The following HDGFL3 variants were observed in gnomAD, a reference collection of about 807,000 sequenced individuals.
HDGFL3 encodes hepatoma-derived growth factor-related protein 3.
Under a neutral mutation model 27.6 loss-of-function variants are expected in HDGFL3, and 6 were observed. That is an observed-to-expected ratio of 0.22 (90% CI 0.12 to 0.43). The LOEUF is 0.43. Among genes scored for constraint, HDGFL3 ranks in the 20% least tolerant of loss-of-function variants. The pLI is 1.00. For synonymous variants in HDGFL3, 88 were observed against 88.9 expected (o/e 0.99, Z 0.05); for missense variants, 207 against 250.1 (o/e 0.83, Z 1.16).
intron 3 of HDGFL3, among the ~76,000 whole-genome samples, chr15:83,117,345 A>C (rs766665573): frequency 6.6e-6 from 1 of 152,142 alleles, no homozygotes; most frequent in Non-Finnish European, 1.5e-5. Flanking sequence ...TCTGAGGAGC[A>C]GTCCTGGAAG....
chr15:83,137,571 AG>A lies in HDGFL3; in HGVS notation c.*1698del, dbSNP rs1669009572. 6.6e-6 allele frequency: 1 copy of A among 152,190 alleles called. No homozygotes were observed. Among genetic ancestry groups the A allele is most frequent in the African/African-American group, 2.4e-5 (1 of 41,444 alleles). 9.4% of individuals were successfully genotyped at this position (152,190 alleles called of 1,614,324 possible). The stretch of plus-strand genomic sequence containing the variant: ...AAAATTAAAAAGGACCTTTTAAGGA[AG>A]AAGTATTAGATCGACATCCCTACTA... On this transcript the variant is annotated 3_prime_UTR_variant, in exon 6 of 6. Transcript: ENST00000299633.
chr15:83,157,002 G>C (rs1049723945), intron 4 of HDGFL3, among the ~76,000 whole-genome samples: 6 of 152,092 alleles, frequency 3.9e-5, no homozygotes, highest in African/African-American at 1.4e-4. Flanking sequence ...CAGCCATGAT[G>C]CATTTCTTAG....
intron 1 of HDGFL3, among the ~76,000 whole-genome samples, chr15:83,172,267 G>A (rs947752246): frequency 2.0e-5 from 3 of 152,142 alleles, no homozygotes; most frequent in African/African-American, 4.8e-5. Flanking sequence ...GCCATGTAAC[G>A]ATACACCAAG....
At chr15:83,125,207 G>A (rs539338771), downstream of HDGFL3, among the ~76,000 whole-genome samples, 3 of 152,312 alleles carry the variant, frequency 2.0e-5, no homozygotes, top group Admixed American at 2.0e-4. Flanking sequence ...AACAATTCAC[G>A]TGTATGTAGG....
intron 1 of HDGFL3, among the ~76,000 whole-genome samples, chr15:83,199,735 G>A (rs1251757651): frequency 6.6e-6 from 1 of 152,048 alleles, no homozygotes; most frequent in African/African-American, 2.4e-5. Context: ...GAAGCTCTGT[G>A]GAACTTCCAG....
chr15:83,136,803 T>C lies in HDGFL3; in HGVS notation c.*2467A>G. ...ATGTACATTCTTGCTCTGCACTGTA[T>C]GTGTGAGCTATATGGTATTGTGTAA... On this transcript the variant is annotated 3_prime_UTR_variant, in exon 6 of 6. Transcript: ENST00000299633. 5.5e-6 allele frequency: 4 copies of C among 723,244 alleles called. No individual in the cohort carries two copies. The highest frequency in any genetic ancestry group is 8.7e-6 in the Non-Finnish European group (4 of 459,460). The allele number at this position is 723,244 out of a possible 1,614,324, so 44.8% of individuals were successfully genotyped here. A position where few individuals can be genotyped will look rare whatever the true frequency, so the allele number is the denominator to read the frequency against.
downstream of HDGFL3, chr15:83,127,429 T>C (rs763382900): frequency 4.3e-6 from 7 of 1,613,984 alleles, no homozygotes; most frequent in East Asian, 1.6e-4. Context: ...TTCCTGGATG[T>C]TCCTGGATGC....
intron 1 of HDGFL3, among the ~76,000 whole-genome samples, chr15:83,183,344 C>T (rs950190613): frequency 4.6e-5 from 7 of 152,266 alleles, no homozygotes; most frequent in Admixed American, 4.6e-4. Flanking sequence ...AAACAAAAAT[C>T]GTAGAGTGAA....
chr15:83,188,633 C>T (rs561620526), intron 1 of HDGFL3, among the ~76,000 whole-genome samples: 1 of 152,158 alleles, frequency 6.6e-6, no homozygotes, highest in Non-Finnish European at 1.5e-5. Flanking sequence ...ATTTTCTTCT[C>T]GGATTCCAGG....
At chr15:83,162,134 A>G (rs1393522860) in intron 2 of HDGFL3, among the ~76,000 whole-genome samples, 1 of 152,198 alleles carries the variant, frequency 6.6e-6, no homozygotes, top group Non-Finnish European at 1.5e-5. Flanking sequence ...TTTAATTGAT[A>G]GCTATTTTTT....
intron 1 of HDGFL3, among the ~76,000 whole-genome samples, chr15:83,197,185 G>C (rs1158857469): frequency 6.6e-6 from 1 of 152,222 alleles, no homozygotes; most frequent in Non-Finnish European, 1.5e-5. Context: ...ATAAGATAGG[G>C]TCAGTGCTGA....
rs143602340 is a variant in HDGFL3, at chr15:83,178,481, A to C, written c.85-14406T>G. On this transcript the variant is annotated intron_variant, in intron 1 of 5. Coordinates refer to ENST00000299633, the MANE Select transcript of HDGFL3 (RefSeq NM_016073.4). ...GTTCCTCGCTTCTACCCCGGGCAAC[A>C]CAGGCAGACCCCATCTCTACAACAA... Among the ~76,000 whole-genome samples the C allele has an allele frequency of 4.5e-3, 679 of 152,282 alleles. 6 individuals carry two copies. Among genetic ancestry groups the C allele is most frequent in the Middle Eastern group, 0.034 (10 of 294 alleles).
intron 5 of HDGFL3, among the ~76,000 whole-genome samples, chr15:83,145,116 A>G (rs1052262587): frequency 3.9e-5 from 6 of 152,086 alleles, no homozygotes; most frequent in African/African-American, 7.2e-5. Flanking sequence ...AACAATATGC[A>G]TAACATCAAC....
In HDGFL3 at chr15:83,141,883, A is replaced by G. The variant is rs576679105; in HGVS notation, c.607-2608T>C. 2.6e-5 allele frequency among the ~76,000 whole-genome samples: 4 copies of G among 152,374 alleles called. No homozygotes were observed. The East Asian group carries it at 7.7e-4, about 29-fold the overall frequency. On this transcript the variant is annotated intron_variant, in intron 5 of 5. Coordinates refer to ENST00000299633, the MANE Select transcript of HDGFL3 (RefSeq NM_016073.4). ...AACCTATATTTTCTAACTGGGGGAA[A>G]GCTATTCAGAGCGCTAGACAAACAG...
intron 1 of HDGFL3, among the ~76,000 whole-genome samples, chr15:83,186,824 C>A (rs117718360): frequency 6.6e-6 from 1 of 152,038 alleles, no homozygotes; most frequent in East Asian, 1.9e-4. Flanking sequence ...CAGACTTTAC[C>A]GCAATATAAT....
At chr15:83,147,069 CT>C (rs869185110) in intron 5 of HDGFL3, among the ~76,000 whole-genome samples, 181 of 144,988 alleles carry the variant, frequency 1.2e-3, no homozygotes, top group Admixed American at 2.9e-3. Context: ...TACCTTCTTT[CT>C]TTTTTTTTTT....
chr15:83,142,346 TAA>T (rs553102910), intron 5 of HDGFL3, among the ~76,000 whole-genome samples: 1 of 152,208 alleles, frequency 6.6e-6, no homozygotes, highest in South Asian at 2.1e-4. Flanking sequence ...ATGCAGCCAT[TAA>T]AAAGAGTGAG....
chr15:83,126,734 T>C, downstream of HDGFL3: 1 of 1,584,864 alleles, frequency 6.3e-7, no homozygotes, highest in Non-Finnish European at 8.6e-7. Flanking sequence ...ATTTTTATAA[T>C]GAGTTTATTT....
intron 3 of HDGFL3, among the ~76,000 whole-genome samples, chr15:83,119,285 A>G (rs1319605023): frequency 6.6e-6 from 1 of 152,234 alleles, no homozygotes; most frequent in Non-Finnish European, 1.5e-5. Flanking sequence ...CCATACAGCC[A>G]GGATTGCCTA....
Sources: gnomAD v4.1 joint callset for allele counts (sites outside exome capture counted in the v4.1 genomes callset) on GRCh38, gnomAD v4.1.1 for gene constraint, MANE v1.5 for transcripts, NCBI Gene and HGNC (gene_info 2026-07-23, HGNC 2026-07-21) for gene names.